ERC2: variants seen among roughly 807,000 people sequenced by gnomAD.
ERC2 encodes the protein ELKS/RAB6-interacting/CAST family member 2.
Under a neutral mutation model 114.8 loss-of-function variants are expected in ERC2, and 42 were observed. The observed-to-expected ratio is 0.37, with a 90% CI of 0.29 to 0.47. The LOEUF (loss-of-function observed/expected upper bound fraction) is 0.47. Ranked by LOEUF, ERC2 falls within the 20% of genes least tolerant of loss-of-function variation. The pLI, the probability that ERC2 is intolerant of heterozygous loss-of-function variation, is 0.99. For missense variants in ERC2, 939 were observed against 1,150.7 expected, an observed-to-expected ratio of 0.82 and a Z score of 2.66; for synonymous variants, 454 against 425.5, an observed-to-expected ratio of 1.07 and a Z score of -0.82.
At chr3:56,295,709 T>C (rs1049776950) in intron 3 of ERC2, among the ~76,000 whole-genome samples, 1 of 152,228 alleles carries the variant, frequency 6.6e-6, no homozygotes, top group Non-Finnish European at 1.5e-5. Context: ...AATAGTACCA[T>C]ACCTAAAAGA....
intron 3 of ERC2, among the ~76,000 whole-genome samples, chr3:56,182,352 C>G (rs1452216): frequency 6.6e-6 from 1 of 151,920 alleles, no homozygotes; most frequent in Admixed American, 6.5e-5. Context: ...CAACAGTAGG[C>G]GCTCAACAAA....
chr3:55,742,933 C>T (rs983088159), intron 14 of ERC2, among the ~76,000 whole-genome samples: 2 of 152,224 alleles, frequency 1.3e-5, no homozygotes, highest in Non-Finnish European at 2.9e-5. Context: ...AGCAAAGCAG[C>T]TCACATGAGG....
intron 14 of ERC2, among the ~76,000 whole-genome samples, chr3:55,755,106 A>G (rs1460417237): frequency 2.0e-5 from 3 of 150,912 alleles, no homozygotes; most frequent in Non-Finnish European, 4.4e-5. Flanking sequence ...CATCTTAGCC[A>G]TTTCCTCAAA....
At chr3:56,041,049 C>G (rs981277426) in intron 7 of ERC2, among the ~76,000 whole-genome samples, 2 of 151,852 alleles carry the variant, frequency 1.3e-5, no homozygotes, top group African/African-American at 4.8e-5. Context: ...TCAGATAATT[C>G]TATTATCTGA....
At chr3:56,337,993 T>C (rs752568074) in intron 2 of ERC2, among the ~76,000 whole-genome samples, 2 of 152,194 alleles carry the variant, frequency 1.3e-5, no homozygotes, top group Non-Finnish European at 2.9e-5. Context: ...CAATGCTAAA[T>C]GAAGGAAGCC....
chr3:56,001,404 AT>A (rs1261081019), intron 10 of ERC2, among the ~76,000 whole-genome samples: 2 of 152,158 alleles, frequency 1.3e-5, no homozygotes, highest in Non-Finnish European at 2.9e-5. Context: ...ATCATGCTGC[AT>A]CCCTATCAGT....
chr3:56,243,974 A>T (rs1054318701), intron 3 of ERC2, among the ~76,000 whole-genome samples: 4 of 152,156 alleles, frequency 2.6e-5, no homozygotes, highest in African/African-American at 9.7e-5. Flanking sequence ...GTAGGCAGGG[A>T]TCCAACTGTG....
intron 14 of ERC2, among the ~76,000 whole-genome samples, chr3:55,864,519 C>T (rs73834034): frequency 6.6e-6 from 1 of 152,054 alleles, no homozygotes; most frequent in Admixed American, 6.6e-5. Context: ...CATCCATGTG[C>T]AGCAATTCAT....
chr3:55,583,540 CCTTTCTTCCTT>C (rs2057421261), intron 17 of ERC2, among the ~76,000 whole-genome samples: 6 of 38,070 alleles, frequency 1.6e-4, no homozygotes, highest in African/African-American at 5.7e-4. Context: ...TTCCTTCCTT[CCTTTCTTCCTT>C]CCTTCCTTCC....
At chr3:56,077,149 T>C (rs2077014029) in intron 7 of ERC2, among the ~76,000 whole-genome samples, 1 of 152,154 alleles carries the variant, frequency 6.6e-6, no homozygotes, top group South Asian at 2.1e-4. Context: ...TTAAAGACAA[T>C]GTTTCATTGG....
intron 14 of ERC2, among the ~76,000 whole-genome samples, chr3:55,824,612 A>G (rs1404974698): frequency 6.6e-6 from 1 of 152,222 alleles, no homozygotes; most frequent in Non-Finnish European, 1.5e-5. Flanking sequence ...GAGTTCCCAC[A>G]ACACTTTATC....
chr3:56,018,776 G>T, intron 8 of ERC2, 118 bp downstream of exon 8: 2 of 1,136,098 alleles, frequency 1.8e-6, no homozygotes, highest in Non-Finnish European at 1.3e-6. Flanking sequence ...GACCAGCTGG[G>T]ACTAAAGGTA....
intron 12 of ERC2, among the ~76,000 whole-genome samples, chr3:55,983,020 G>A (rs538954861): frequency 7.9e-5 from 12 of 152,326 alleles, no homozygotes; most frequent in South Asian, 2.1e-4. Context: ...GGCAGTGCAC[G>A]CGGTCCATCA....
intron 17 of ERC2, among the ~76,000 whole-genome samples, chr3:55,650,099 G>C (rs1049007423): frequency 6.6e-6 from 1 of 152,116 alleles, no homozygotes; most frequent in Non-Finnish European, 1.5e-5. Flanking sequence ...TTTGGTCCTG[G>C]CTATTTATGA....
chr3:56,111,084 C>T (rs2078933445), intron 6 of ERC2, among the ~76,000 whole-genome samples: 2 of 152,060 alleles, frequency 1.3e-5, no homozygotes, highest in Non-Finnish European at 1.5e-5. Flanking sequence ...CCTCTACATT[C>T]CCATTATAGA....
chr3:56,421,667 G>T (rs1054949571), intron 2 of ERC2, among the ~76,000 whole-genome samples: 8 of 152,202 alleles, frequency 5.3e-5, no homozygotes, highest in Admixed American at 5.2e-4. Context: ...ATGTGTATGT[G>T]TGTATAGGAG....
At chr3:55,538,348 G>T (rs2054132447) in intron 17 of ERC2, among the ~76,000 whole-genome samples, 1 of 152,202 alleles carries the variant, frequency 6.6e-6, no homozygotes, top group South Asian at 2.1e-4. Flanking sequence ...AACTCTGTGT[G>T]TGGGTCACAG....
chr3:56,434,393 A>G lies in ERC2; in HGVS notation c.615T>C (p.Ser205=), dbSNP rs1025210031. 4 of 1,613,946 alleles carry G rather than the reference A, an allele frequency of 2.5e-6. No homozygotes were observed. The highest frequency in any genetic ancestry group is 2.5e-6 in the Non-Finnish European group (3 of 1,179,898). Residue 205 remains serine (S), a synonymous_variant, in exon 2 of 18, where the codon TCT becomes TCC. Coordinates refer to ENST00000288221, the MANE Select transcript of ERC2 (RefSeq NM_015576.3). ...VLRKEEAARM[S]VLKEQMRVSH... is the part of the protein sequence containing the mutation. ...AAACCCTCATCTGCTCCTTGAGGAC[A>G]GACATCCGCGCTGCCTCTTCTTTCC...
At chr3:55,772,134 ATTTAT>A (rs945361162) in intron 14 of ERC2, among the ~76,000 whole-genome samples, 2 of 152,102 alleles carry the variant, frequency 1.3e-5, no homozygotes, top group Admixed American at 6.6e-5. Flanking sequence ...TAGAATTACC[ATTTAT>A]TTTATTAATT....
Sources: allele counts gnomAD v4.1 joint callset (sites outside exome capture counted in the v4.1 genomes callset), GRCh38; gene constraint gnomAD v4.1.1; transcripts MANE v1.5; gene names NCBI Gene and HGNC (gene_info 2026-07-23, HGNC 2026-07-21).